The following CHODL variants were observed in gnomAD, a reference collection of about 807,000 sequenced individuals.
CHODL encodes chondrolectin, also known as transmembrane protein MT75.
Under a neutral mutation model 34.5 loss-of-function variants are expected in CHODL, and 29 were observed. The ratio of observed to expected loss-of-function variants is 0.84; its 90% CI spans 0.63 to 1.15. The LOEUF (loss-of-function observed/expected upper bound fraction) is 1.15. Ranked by LOEUF, CHODL falls within the 50% of genes most tolerant of loss-of-function variation. CHODL has a pLI of 0.00. For synonymous variants in CHODL, 125 were observed against 116.1 expected (o/e 1.08, Z -0.49); for missense variants, 332 against 332.5 (o/e 1.00, Z 0.01).
intron 1 of CHODL, among the ~76,000 whole-genome samples, chr21:17,970,207 T>C (rs197533): frequency 0.2 from 30,105 of 152,110 alleles, 3,577 homozygotes; most frequent in African/African-American, 0.32. Context: ...GGTTGGGTGG[T>C]GGGAGTTTGG....
At chr21:18,235,919 A>C (rs1453497832) in intron 2 of CHODL, among the ~76,000 whole-genome samples, 2 of 152,146 alleles carry the variant, frequency 1.3e-5, no homozygotes, top group African/African-American at 4.8e-5. Context: ...CATCATATAG[A>C]TTTAGAATGT....
At chr21:18,012,718 C>T (rs1433425079) in intron 1 of CHODL, among the ~76,000 whole-genome samples, 1 of 152,096 alleles carries the variant, frequency 6.6e-6, no homozygotes, top group Non-Finnish European at 1.5e-5. Flanking sequence ...TAAGACCTCC[C>T]AAGATCAGGG....
At chr21:18,205,576 G>T (rs2183558) in intron 2 of CHODL, among the ~76,000 whole-genome samples, 1 of 151,906 alleles carries the variant, frequency 6.6e-6, no homozygotes, top group Non-Finnish European at 1.5e-5. Flanking sequence ...AGTTTTTCTA[G>T]TCTTTTGATG....
intron 1 of CHODL, among the ~76,000 whole-genome samples, chr21:17,947,544 GACACAC>G (rs34768313): frequency 6.7e-6 from 1 of 149,550 alleles, no homozygotes; most frequent in Non-Finnish European, 1.5e-5. Flanking sequence ...CACACACACA[GACACAC>G]ACACACACAC....
At chr21:17,959,920 T>C (rs2063519760) in intron 1 of CHODL, among the ~76,000 whole-genome samples, 1 of 152,188 alleles carries the variant, frequency 6.6e-6, no homozygotes, top group East Asian at 1.9e-4. Context: ...TTAGAAGATA[T>C]TAGTTGCTGT....
intron 2 of CHODL, among the ~76,000 whole-genome samples, chr21:18,231,336 C>T (rs1027723935): frequency 3.3e-5 from 5 of 152,122 alleles, no homozygotes; most frequent in African/African-American, 9.7e-5. Context: ...TATTTTATAA[C>T]CTATTCAGCA....
chr21:17,940,462 C>T (rs984487325), intron 1 of CHODL, among the ~76,000 whole-genome samples: 2 of 152,026 alleles, frequency 1.3e-5, no homozygotes, highest in African/African-American at 4.8e-5. Flanking sequence ...GTTCAATTTA[C>T]CATGAAGTCT....
intron 1 of CHODL, among the ~76,000 whole-genome samples, chr21:18,251,370 A>T: frequency 7.8e-6 from 1 of 127,800 alleles, no homozygotes; most frequent in East Asian, 2.0e-4. Context: ...TTTTATATAA[A>T]ATAAATGTAT....
chr21:17,947,910 A>C (rs975272497), intron 1 of CHODL, among the ~76,000 whole-genome samples: 4 of 152,232 alleles, frequency 2.6e-5, no homozygotes, highest in Non-Finnish European at 5.9e-5. Context: ...CTAAGTGTGC[A>C]TCAGCAGATG....
At chr21:18,049,485 T>C (rs2064486569) in intron 2 of CHODL, among the ~76,000 whole-genome samples, 1 of 152,012 alleles carries the variant, frequency 6.6e-6, no homozygotes, top group Non-Finnish European at 1.5e-5. Flanking sequence ...TATTACATTT[T>C]AATTTCAATT....
In CHODL at chr21:18,136,707, GGTAA is replaced by G. The variant is rs549722991; in HGVS notation, c.-45+108737_-45+108740del. Among the ~76,000 whole-genome samples, 450 of 119,442 alleles carry G rather than the reference GGTAA, an allele frequency of 3.8e-3. 4 individuals are homozygous for G. Among genetic ancestry groups the G allele is most frequent in the African/African-American group, 0.013 (432 of 34,424 alleles). The allele number at this position is 119,442 out of a possible 152,430, so 78.4% of individuals were successfully genotyped here. On this transcript the variant is annotated intron_variant, in intron 2 of 6. Coordinates refer to the CHODL transcript ENST00000400127. ...AGTAGCAGATACTCTCAATGAAGAA[GGTAA>G]ATCAAAGCATATATATATATATATA...
chr21:18,236,529 C>T (rs969613153), intron 2 of CHODL, among the ~76,000 whole-genome samples: 4 of 152,074 alleles, frequency 2.6e-5, no homozygotes, highest in Non-Finnish European at 5.9e-5. Context: ...CACAAATTAT[C>T]TCTAAGGTTT....
Position 17,929,265 on chromosome 21 carries a change from C to T in CHODL, c.-145+11865C>T, listed in dbSNP as rs114382214. Among the ~76,000 whole-genome samples the T allele has an allele frequency of 7.6e-3, 1,159 of 152,274 alleles. 18 individuals are homozygous for T. The highest frequency in any genetic ancestry group is 0.026 in the African/African-American group (1,079 of 41,550). ...TTCATGATGTGAATATCATCACTAA[C>T]AATTCATCAATTCTAAACTAGATTT... is the stretch of plus-strand genomic sequence containing the variant. On this transcript the variant is annotated intron_variant, in intron 1 of 6. Coordinates refer to the CHODL transcript ENST00000400127.
intron 1 of CHODL, among the ~76,000 whole-genome samples, chr21:18,010,321 A>G (rs1208871539): frequency 2.8e-5 from 4 of 144,198 alleles, no homozygotes; most frequent in African/African-American, 8.0e-5. Flanking sequence ...AAAAAAAAAA[A>G]AGAAGAAAAA....
chr21:18,261,096 C>T lies in CHODL; in HGVS notation c.634+810C>T, dbSNP rs112401736. ...TCTTCTGTTAACAAATGAAGTGATGCGCAGTTAAATGTAGATAAAAGCTTT... is the reference window on the plus strand; with the variant it reads ...TCTTCTGTTAACAAATGAAGTGATGTGCAGTTAAATGTAGATAAAAGCTTT... On this transcript the variant is annotated intron_variant, in intron 4 of 5. Coordinates refer to ENST00000299295, the MANE Select transcript of CHODL (RefSeq NM_024944.3). 3.6e-4 allele frequency among the ~76,000 whole-genome samples: 55 copies of T among 152,144 alleles called. No homozygotes were observed. The South Asian group carries it at 9.8e-3, about 27-fold the overall frequency.
chr21:17,980,187 A>G (rs981760476), intron 1 of CHODL, among the ~76,000 whole-genome samples: 2 of 151,780 alleles, frequency 1.3e-5, no homozygotes, highest in East Asian at 3.9e-4. Flanking sequence ...AGCTGTTTTA[A>G]TGTTGAAATG....
intron 2 of CHODL, among the ~76,000 whole-genome samples, chr21:18,184,361 A>G (rs927845314): frequency 2.6e-5 from 4 of 152,220 alleles, no homozygotes; most frequent in Admixed American, 2.6e-4. Context: ...TTTCAGTATA[A>G]TACTAAGTGA....
chr21:18,067,754 G>GT (rs1275485338), intron 2 of CHODL, among the ~76,000 whole-genome samples: 1 of 152,116 alleles, frequency 6.6e-6, no homozygotes, highest in Non-Finnish European at 1.5e-5. Context: ...ATCATAGAGT[G>GT]TTTATAAGGT....
chr21:18,080,427 C>T (rs158017), intron 2 of CHODL, among the ~76,000 whole-genome samples: 61,863 of 151,940 alleles, frequency 0.41, 13,786 homozygotes, highest in Non-Finnish European at 0.51. Flanking sequence ...CAGAAGAGTT[C>T]TTCCCAGATT....
Sources: gnomAD v4.1 joint callset for allele counts (sites outside exome capture counted in the v4.1 genomes callset) on GRCh38, gnomAD v4.1.1 for gene constraint, MANE v1.5 for transcripts, NCBI Gene and HGNC (gene_info 2026-07-23, HGNC 2026-07-21) for gene names.